SMARCA5: variants seen among roughly 807,000 people sequenced by gnomAD.
SMARCA5 encodes the protein SNF2 related chromatin remodeling ATPase 5.
A neutral mutation model predicts 140.4 loss-of-function variants in SMARCA5; 18 were observed. That is an observed-to-expected ratio of 0.13 (90% confidence interval 0.09 to 0.19). The LOEUF is 0.19. Ranked by LOEUF, SMARCA5 falls within the 10% of genes least tolerant of loss-of-function variation. The pLI, the probability that SMARCA5 is intolerant of heterozygous loss-of-function variation, is 1.00. For synonymous variants in SMARCA5, 449 were observed against 419.6 expected (o/e 1.07, Z -0.86); for missense variants, 606 against 1,276.8 (o/e 0.47, Z 8.01).
chr4:143,518,742 C>T (rs1036046047), intron 2 of SMARCA5, among the ~76,000 whole-genome samples: 1 of 152,014 alleles, frequency 6.6e-6, no homozygotes, highest in African/African-American at 2.4e-5. Flanking sequence ...ATATATGTAA[C>T]TGTCACCTTT....
At chr4:143,516,353 C>G (rs944059369) in intron 1 of SMARCA5, among the ~76,000 whole-genome samples, 4 of 151,858 alleles carry the variant, frequency 2.6e-5, no homozygotes, top group Admixed American at 6.6e-5. Flanking sequence ...GTGTGGAACT[C>G]TTCTGTGTTC....
Position 143,524,409 on chromosome 4 carries a change from A to G in SMARCA5, c.462A>G (p.Leu154=), listed in dbSNP as rs541100790. 9.3e-6 allele frequency: 15 copies of G among 1,613,412 alleles called. No homozygotes were observed. Among genetic ancestry groups the G allele is most frequent in the African/African-American group, 4.0e-5 (3 of 75,020 alleles). The change falls in exon 4 of 24, where the codon CTA becomes CTG. Residue 154 remains leucine (L), a synonymous_variant. Transcript: ENST00000283131. ...CAGAGCAAGAGGAGGATGAAGAGCT[A>G]TTAACAGAAAGCTCCAAAGCAACCA... is the stretch of plus-strand genomic sequence containing the variant. The part of the protein sequence containing the change: ...RRTEQEEDEE[L]LTESSKATNV...
At chr4:143,535,350 G>A (rs4450877) in intron 10 of SMARCA5, among the ~76,000 whole-genome samples, 151,157 of 152,314 alleles carry the variant, frequency 0.99, 75,017 homozygotes, top group Middle Eastern at 1. Flanking sequence ...AGATACTGTT[G>A]GCCTTAATGT....
intron 10 of SMARCA5, among the ~76,000 whole-genome samples, chr4:143,535,598 C>A (rs2149821623): frequency 6.6e-6 from 1 of 152,200 alleles, no homozygotes; most frequent in South Asian, 2.1e-4. Flanking sequence ...GAAAGGGTAG[C>A]AGATATTAGG....
chr4:143,519,654 T>C (rs1053754132), intron 2 of SMARCA5, among the ~76,000 whole-genome samples: 2 of 152,166 alleles, frequency 1.3e-5, no homozygotes, highest in Non-Finnish European at 2.9e-5. Context: ...AGCTCCCTTG[T>C]CATCTGCTAG....
rs7663042 is a variant in SMARCA5 at position 143,522,569 on chromosome 4, A to G, written c.419+974A>G. On this transcript the variant is annotated intron_variant, in intron 3 of 23. Coordinates refer to ENST00000283131, the MANE Select transcript of SMARCA5 (RefSeq NM_003601.4). ...AAGCATAATACCTTTTATTTGGGGT[A>G]TTCCACTCATTCATTATATCTTATT... Among the ~76,000 whole-genome samples the G allele has an allele frequency of 4.8e-3, 733 of 152,314 alleles. 4 individuals carry two copies. The highest frequency in any genetic ancestry group is 0.017 in the African/African-American group (698 of 41,566).
rs1344125588 is a variant in SMARCA5 at position 143,545,598 on chromosome 4, C to T, written c.2397+15C>T. 2 of 1,387,082 alleles carry T rather than the reference C, an allele frequency of 1.4e-6. No individual in the cohort carries two copies. Among genetic ancestry groups the T allele is most frequent in the Non-Finnish European group, 2.0e-6 (2 of 978,118 alleles). The allele number at this position is 1,387,082 out of a possible 1,614,324, so 85.9% of individuals were successfully genotyped here. On this transcript the variant is annotated intron_variant, in intron 18 of 23. Transcript: ENST00000283131. ...TTGGGTACAAGGTAATTGAAATTAT[C>T]TGCCTTTCTGTTCATTCCTATCCAG... is the stretch of plus-strand genomic sequence containing the variant.
chr4:143,534,798 G>T, intron 9 of SMARCA5, 57 bp from the exon 10 acceptor site: 1 of 1,237,700 alleles, frequency 8.1e-7, no homozygotes, highest in Non-Finnish European at 1.1e-6. Context: ...CTAAGATGCT[G>T]AAATATGACC....
At position 143,553,129 on chromosome 4, in the gene SMARCA5, G is replaced by A. The variant is rs754714645; in HGVS notation, c.3104G>A (p.Arg1035His). 6.2e-6 allele frequency: 10 copies of A among 1,611,878 alleles called. No homozygotes were observed. Among genetic ancestry groups the A allele is most frequent in the South Asian group, 2.2e-5 (2 of 91,018 alleles). Residue 1035 changes from arginine (R) to histidine (H), a missense_variant, in exon 24 of 24, where the codon CGT becomes CAT. Arg to His is a conservative substitution (Grantham distance 29, BLOSUM62 0). Coordinates refer to ENST00000283131, the MANE Select transcript of SMARCA5 (RefSeq NM_003601.4). ...KRGPKPSTQK[R>H]KMDGAPDGRG... ...TCTGTCTGTTTGTAGACACAGAAAC[G>A]TAAAATGGATGGCGCACCTGATGGT...
At chr4:143,541,822 G>A (rs753287212) in intron 14 of SMARCA5, among the ~76,000 whole-genome samples, 1 of 151,852 alleles carries the variant, frequency 6.6e-6, no homozygotes, top group Non-Finnish European at 1.5e-5. Context: ...TACACCTGCC[G>A]TGTGTTTCTT....
intron 1 of SMARCA5, among the ~76,000 whole-genome samples, chr4:143,515,019 A>G (rs1370116750): frequency 6.6e-6 from 1 of 152,206 alleles, no homozygotes. Flanking sequence ...CTGGGAACAA[A>G]GTAATTGCTC....
intron 16 of SMARCA5, 83 bp downstream of exon 16, chr4:143,544,055 T>C (rs1424459484): frequency 2.8e-6 from 3 of 1,084,832 alleles, no homozygotes; most frequent in African/African-American, 1.6e-5. Flanking sequence ...TAATGTCTTA[T>C]AATTTTGCTT....
chr4:143,544,329 TA>T (rs1412889824), intron 16 of SMARCA5: 1 of 176,582 alleles, frequency 5.7e-6, no homozygotes, highest in Non-Finnish European at 1.2e-5. Context: ...TACTTGGTAA[TA>T]TAGAGATAAA....
chr4:143,551,026 A>G (rs1006260816), intron 23 of SMARCA5, among the ~76,000 whole-genome samples: 12 of 152,100 alleles, frequency 7.9e-5, no homozygotes, highest in Admixed American at 2.6e-4. Context: ...GTTCCCACCA[A>G]AAGTGTATGA....
Position 143,513,794 on chromosome 4 carries a change from A to C in SMARCA5, c.-131A>C. On this transcript the variant is annotated 5_prime_UTR_variant, in exon 1 of 24. Coordinates refer to ENST00000283131, the MANE Select transcript of SMARCA5 (RefSeq NM_003601.4). ...CAGGCCCGTCGCGGAGGCGCGGCGC[A>C]GGGGAGCGCTCGGGTGGGAGTCTCG... The C allele has an allele frequency of 2.8e-6, 3 of 1,072,930 alleles. No homozygotes were observed. The highest frequency in any genetic ancestry group is 4.0e-6 in the Non-Finnish European group (3 of 759,056). 66.5% of individuals were successfully genotyped at this position (1,072,930 alleles called of 1,614,324 possible). A position where few individuals can be genotyped will look rare whatever the true frequency, so the allele number is the denominator to read the frequency against.
chr4:143,527,758 A>T, intron 6 of SMARCA5, 110 bp from the exon 7 acceptor site: 1 of 863,428 alleles, frequency 1.2e-6, no homozygotes, highest in Non-Finnish European at 1.8e-6. Context: ...TAGCTACTCT[A>T]CTCCTTTTTA....
intron 11 of SMARCA5, among the ~76,000 whole-genome samples, chr4:143,537,537 A>G (rs1017162228): frequency 6.6e-6 from 1 of 152,206 alleles, no homozygotes; most frequent in African/African-American, 2.4e-5. Flanking sequence ...CTTGAAAGCA[A>G]AGTAATTAAA....
chr4:143,556,022 G>A lies in SMARCA5; in HGVS notation c.*2838G>A, dbSNP rs1737743350. On this transcript the variant is annotated 3_prime_UTR_variant, in exon 24 of 24. Transcript: ENST00000283131. Reference sequence around the variant, plus strand: ...TAAAGTTGAGAGAAGCAAATCCTAAGCATAGAGTACAAGTTGAGCATCCCT... The same window carrying A: ...TAAAGTTGAGAGAAGCAAATCCTAAACATAGAGTACAAGTTGAGCATCCCT... 3.9e-5 allele frequency: 6 copies of A among 152,160 alleles called. No homozygotes were observed. The highest frequency in any genetic ancestry group is 3.9e-4 in the Admixed American group (6 of 15,262). 9.4% of individuals were successfully genotyped at this position (152,160 alleles called of 1,614,324 possible).
Position 143,513,968 on chromosome 4 carries a change from G to T in SMARCA5, c.44G>T (p.Ser15Ile). 2 of 1,556,402 alleles carry T rather than the reference G, an allele frequency of 1.3e-6. No individual in the cohort carries two copies. Among genetic ancestry groups the T allele is most frequent in the Non-Finnish European group, 1.7e-6 (2 of 1,158,526 alleles). ...AEPPPPPPPE[S>I]APSKPAASIA... ...CCTCCGCCACCCCCGCCTCCCGAGA[G>T]CGCGCCTTCCAAGCCCGCAGCCTCG... The change falls in exon 1 of 24, where the codon AGC becomes ATC. Residue 15 changes from serine (S) to isoleucine (I), a missense_variant. Around this residue, in one of 10 missense-constraint regions of SMARCA5, gnomAD observed 164 missense variants for 128.4 expected, o/e 1.28. Coordinates refer to ENST00000283131, the MANE Select transcript of SMARCA5 (RefSeq NM_003601.4).
Sources: gnomAD v4.1 joint callset for allele counts (sites outside exome capture counted in the v4.1 genomes callset) on GRCh38, gnomAD v4.1.1 for gene constraint, gnomAD v4.1.1 regional missense constraint, MANE v1.5 for transcripts, NCBI Gene and HGNC (gene_info 2026-07-23, HGNC 2026-07-21) for gene names.